CALN1: variants seen among roughly 807,000 people sequenced by gnomAD.
CALN1 encodes calcium-binding protein 8.
CALN1 carries 17 observed loss-of-function variants against 30.6 expected under a neutral mutation model. The ratio of observed to expected loss-of-function variants is 0.56; its 90% CI spans 0.38 to 0.83. The LOEUF is 0.83. CALN1 is among the 40% of genes least tolerant of loss of function. The probability of loss-of-function intolerance (pLI) is 0.00; values close to 1 mark genes in which losing one functional copy is unlikely to be tolerated. For missense variants in CALN1, 291 were observed against 354.9 expected (o/e 0.82, Z 1.45); for synonymous variants, 156 against 131.4 (o/e 1.19, Z -1.28).
chr7:71,843,660 C>T (rs1790072319), intron 5 of CALN1, among the ~76,000 whole-genome samples: 1 of 152,040 alleles, frequency 6.6e-6, no homozygotes, highest in African/African-American at 2.4e-5. Flanking sequence ...GAGAGCTAAG[C>T]TAAGCTCCTC....
intron 2 of CALN1, among the ~76,000 whole-genome samples, chr7:72,360,453 AT>A (rs1395516534): frequency 6.6e-6 from 1 of 151,956 alleles, no homozygotes; most frequent in Non-Finnish European, 1.5e-5. Flanking sequence ...TCAGAGAAAG[AT>A]TGAAGACATC....
chr7:72,371,848 C>T (rs1351235441), intron 2 of CALN1, among the ~76,000 whole-genome samples: 2 of 152,174 alleles, frequency 1.3e-5, no homozygotes. Context: ...TAAGCATGTT[C>T]CACCCTTGCT....
At chr7:71,897,360 T>C (rs1484154340) in intron 5 of CALN1, among the ~76,000 whole-genome samples, 5 of 152,294 alleles carry the variant, frequency 3.3e-5, no homozygotes, top group African/African-American at 1.2e-4. Context: ...TTATTAAACA[T>C]AATATTAAGT....
intron 2 of CALN1, among the ~76,000 whole-genome samples, chr7:72,331,791 T>G (rs1051000293): frequency 6.6e-6 from 1 of 152,134 alleles, no homozygotes; most frequent in African/African-American, 2.4e-5. Context: ...GCACAGACCA[T>G]CCCATCACCC....
intron 3 of CALN1, among the ~76,000 whole-genome samples, chr7:72,115,985 C>T (rs1027667662): frequency 6.6e-6 from 1 of 152,110 alleles, no homozygotes; most frequent in Non-Finnish European, 1.5e-5. Context: ...CATGGTCCTG[C>T]AAATGACAGG....
At chr7:72,343,774 TTACTGTTTCTCTGCTGGGTTAGAAAGGAC>T (rs1585544981) in intron 2 of CALN1, among the ~76,000 whole-genome samples, 1 of 152,168 alleles carries the variant, frequency 6.6e-6, no homozygotes, top group East Asian at 1.9e-4. Flanking sequence ...TTAGAAAGGA[TTACTGTTTCTCTGCTGGGTTAGAAAGGAC>T]TACTGTTTCT....
chr7:71,982,153 T>C (rs1798433074), intron 5 of CALN1, among the ~76,000 whole-genome samples: 2 of 152,200 alleles, frequency 1.3e-5, no homozygotes, highest in South Asian at 4.1e-4. Context: ...ATGCCTCTGG[T>C]CAGCCAATGT....
chr7:72,283,053 TCA>T (rs1491462265), intron 2 of CALN1, among the ~76,000 whole-genome samples: 2 of 58,196 alleles, frequency 3.4e-5, no homozygotes, highest in Non-Finnish European at 6.2e-5. Context: ...AGACTCCATC[TCA>T]AAAAAAAAAA....
At chr7:72,260,201 G>A (rs549541745) in intron 3 of CALN1, among the ~76,000 whole-genome samples, 5 of 152,168 alleles carry the variant, frequency 3.3e-5, no homozygotes, top group Admixed American at 2.0e-4. Context: ...TCTGTTTCTG[G>A]AAAAAATAAA....
intron 3 of CALN1, among the ~76,000 whole-genome samples, chr7:72,180,523 CCTT>C (rs1415955533): frequency 3.5e-5 from 5 of 142,284 alleles, no homozygotes; most frequent in Admixed American, 7.1e-5. Flanking sequence ...CAGAAGGTGT[CCTT>C]TTTTTTTTTT....
intron 2 of CALN1, among the ~76,000 whole-genome samples, chr7:72,377,293 T>TA (rs974430164): frequency 2.0e-5 from 3 of 151,994 alleles, no homozygotes; most frequent in Admixed American, 1.3e-4. Context: ...AGCTTTTTTT[T>TA]AGATATATTT....
At chr7:72,084,897 A>G (rs200914390) in intron 4 of CALN1, among the ~76,000 whole-genome samples, 1 of 152,326 alleles carries the variant, frequency 6.6e-6, no homozygotes, top group East Asian at 1.9e-4. Flanking sequence ...CTTCAACTGC[A>G]CACTGTTCTG....
chr7:72,042,687 G>C (rs997574898), intron 4 of CALN1, among the ~76,000 whole-genome samples: 8 of 152,084 alleles, frequency 5.3e-5, no homozygotes, highest in Non-Finnish European at 1.0e-4. Flanking sequence ...AGTGAACTCT[G>C]ATTGTGTCAC....
At chr7:72,074,342 G>A (rs1804594967) in intron 4 of CALN1, among the ~76,000 whole-genome samples, 1 of 152,178 alleles carries the variant, frequency 6.6e-6, no homozygotes, top group African/African-American at 2.4e-5. Context: ...CATAGCGGCA[G>A]GACCTCTCAG....
intron 4 of CALN1, among the ~76,000 whole-genome samples, chr7:72,062,839 A>C (rs1803760750): frequency 6.6e-6 from 1 of 152,192 alleles, no homozygotes; most frequent in Non-Finnish European, 1.5e-5. Context: ...AAACTTTCCA[A>C]AAAAGAAATC....
In CALN1 at chr7:72,252,213, T is replaced by C. The variant is rs1263164450; in HGVS notation, c.244+26473A>G. On this transcript the variant is annotated intron_variant, in intron 3 of 6. Transcript: ENST00000395275. ...CTTCTAGTTGATTGAGCCAACTATC[T>C]TGCTAGTCCTCCCTCACTTCTTTCT... Among the ~76,000 whole-genome samples, 3 of 152,156 alleles carry C rather than the reference T, an allele frequency of 2.0e-5. No individual in the cohort carries two copies. In the East Asian group the frequency reaches 5.8e-4, roughly 29 times the overall value.
At chr7:72,265,145 T>C (rs1414341220) in intron 3 of CALN1, among the ~76,000 whole-genome samples, 1 of 152,152 alleles carries the variant, frequency 6.6e-6, no homozygotes, top group Non-Finnish European at 1.5e-5. Flanking sequence ...TTTGAGTCAT[T>C]TGTTACACAG....
At chr7:71,991,665 T>C (rs1050797294) in intron 5 of CALN1, among the ~76,000 whole-genome samples, 3 of 152,168 alleles carry the variant, frequency 2.0e-5, no homozygotes, top group African/African-American at 2.4e-5. Flanking sequence ...CAAGCCAAGT[T>C]CAAACTTATT....
At chr7:71,956,252 T>C (rs1353443492) in intron 5 of CALN1, among the ~76,000 whole-genome samples, 1 of 152,054 alleles carries the variant, frequency 6.6e-6, no homozygotes, top group Non-Finnish European at 1.5e-5. Context: ...CCTCCCAAAG[T>C]GCTGGGATTA....
Sources: gnomAD v4.1 joint callset for allele counts (sites outside exome capture counted in the v4.1 genomes callset) on GRCh38, gnomAD v4.1.1 for gene constraint, MANE v1.5 for transcripts, NCBI Gene and HGNC (gene_info 2026-07-23, HGNC 2026-07-21) for gene names.